The following LHFPL3 variants were observed in gnomAD, a reference collection of about 807,000 sequenced individuals.
LHFPL3 encodes LHFPL tetraspan subfamily member 3, also known as LHFPL tetraspan subfamily member 3 protein.
LHFPL3 carries 5 observed loss-of-function variants against 19.3 expected under a neutral mutation model. The ratio of observed to expected loss-of-function variants is 0.26; its 90% CI spans 0.14 to 0.54. The LOEUF (loss-of-function observed/expected upper bound fraction) is 0.54, where lower values mean the gene tolerates loss of function less well. LHFPL3 is among the 20% of genes least tolerant of loss of function. The pLI, the probability that LHFPL3 is intolerant of heterozygous loss-of-function variation, is 0.94. For synonymous variants in LHFPL3, 133 were observed against 126.2 expected, an observed-to-expected ratio of 1.05 and a Z score of -0.36; for missense variants, 249 against 307.4, an observed-to-expected ratio of 0.81 and a Z score of 1.42.
At chr7:104,345,895 T>G (rs1055534820) in intron 1 of LHFPL3, among the ~76,000 whole-genome samples, 1 of 152,198 alleles carries the variant, frequency 6.6e-6, no homozygotes, top group African/African-American at 2.4e-5. Flanking sequence ...AGTGGTCAGT[T>G]GATGCCCCCA....
intron 1 of LHFPL3, among the ~76,000 whole-genome samples, chr7:104,457,290 C>A (rs1792565245): frequency 6.7e-6 from 1 of 148,298 alleles, no homozygotes; most frequent in African/African-American, 2.5e-5. Context: ...CCACAACAGT[C>A]CCCAGAGTGT....
chr7:104,737,888 C>T (rs1234162278), intron 2 of LHFPL3, among the ~76,000 whole-genome samples: 2 of 152,144 alleles, frequency 1.3e-5, no homozygotes, highest in African/African-American at 2.4e-5. Context: ...CCCTTCACTG[C>T]TTCAACGGGA....
chr7:104,518,290 A>G (rs1372428800), intron 1 of LHFPL3, among the ~76,000 whole-genome samples: 1 of 152,202 alleles, frequency 6.6e-6, no homozygotes, highest in Non-Finnish European at 1.5e-5. Context: ...GCAACAGAAT[A>G]CTTTTTAAAT....
chr7:104,486,239 A>C (rs1188597928), intron 1 of LHFPL3, among the ~76,000 whole-genome samples: 1 of 152,204 alleles, frequency 6.6e-6, no homozygotes, highest in Non-Finnish European at 1.5e-5. Context: ...ATGTTCTCTT[A>C]TGAGCTTTGG....
rs116830891 is a variant in LHFPL3, at chr7:104,409,458, A to G, written c.445+80234A>G. On this transcript the variant is annotated intron_variant, in intron 1 of 2. Transcript: ENST00000424859. ...GAATAGACTTTTTGAAAAATCTTGA[A>G]TACAAAAATTAGCTGGGCATGGTGG... Among the ~76,000 whole-genome samples the G allele has an allele frequency of 5.6e-3, 847 of 152,092 alleles. 2 individuals carry two copies. Among genetic ancestry groups the G allele is most frequent in the African/African-American group, 0.02 (810 of 41,478 alleles).
intron 1 of LHFPL3, among the ~76,000 whole-genome samples, chr7:104,615,686 C>G (rs1791319336): frequency 6.6e-6 from 1 of 152,018 alleles, no homozygotes; most frequent in African/African-American, 2.4e-5. Flanking sequence ...CACCCCCACC[C>G]CCTGACAGGC....
intron 2 of LHFPL3, among the ~76,000 whole-genome samples, chr7:104,870,106 G>A (rs530531167): frequency 1.8e-4 from 27 of 152,194 alleles, no homozygotes; most frequent in African/African-American, 6.5e-4. Context: ...TGGGGGGACG[G>A]GGGAGGGATA....
In LHFPL3 at chr7:104,331,965, A is replaced by G. The variant is rs533891500; in HGVS notation, c.445+2741A>G. On this transcript the variant is annotated intron_variant, in intron 1 of 2. Coordinates refer to ENST00000424859, the MANE Select transcript of LHFPL3 (RefSeq NM_199000.3). ...ACCCCATCTCAAAAAAAAAAAAGAA[A>G]AAGAAAGTTTAGACTTTAGACTATT... Among the ~76,000 whole-genome samples, 185 of 152,112 alleles carry G rather than the reference A, an allele frequency of 1.2e-3. 1 individual carries two copies. Among genetic ancestry groups the G allele is most frequent in the African/African-American group, 4.2e-3 (176 of 41,524 alleles).
chr7:104,487,374 C>G (rs1485728773), intron 1 of LHFPL3, among the ~76,000 whole-genome samples: 1 of 152,214 alleles, frequency 6.6e-6, no homozygotes, highest in East Asian at 1.9e-4. Flanking sequence ...AGCTCAGGGT[C>G]TCAAGTGGCC....
intron 1 of LHFPL3, among the ~76,000 whole-genome samples, chr7:104,436,239 A>G (rs941225433): frequency 2.0e-5 from 3 of 152,192 alleles, no homozygotes; most frequent in Non-Finnish European, 4.4e-5. Flanking sequence ...AATATTTTAA[A>G]GTTTTGTAAG....
intron 1 of LHFPL3, among the ~76,000 whole-genome samples, chr7:104,501,114 A>G (rs904593823): frequency 6.6e-6 from 1 of 152,176 alleles, no homozygotes; most frequent in Non-Finnish European, 1.5e-5. Flanking sequence ...AAAAATGCTC[A>G]ATAAATGTTT....
chr7:104,430,447 T>TATATAC (rs1791973359), intron 1 of LHFPL3, among the ~76,000 whole-genome samples: 1 of 23,876 alleles, frequency 4.2e-5, no homozygotes, highest in Admixed American at 5.2e-4. Context: ...TATATATATA[T>TATATAC]ATATATATTT....
chr7:104,807,264 C>CT (rs1562799432), intron 2 of LHFPL3, among the ~76,000 whole-genome samples: 1 of 151,920 alleles, frequency 6.6e-6, no homozygotes, highest in Non-Finnish European at 1.5e-5. Context: ...GAGGTTGGGG[C>CT]GATGTTTCCA....
intron 1 of LHFPL3, among the ~76,000 whole-genome samples, chr7:104,622,518 T>C (rs1169694170): frequency 6.6e-6 from 1 of 152,204 alleles, no homozygotes; most frequent in African/African-American, 2.4e-5. Context: ...TATTCATAGA[T>C]TGTACAATCA....
chr7:104,502,235 A>C (rs1793609378), intron 1 of LHFPL3, among the ~76,000 whole-genome samples: 5 of 152,190 alleles, frequency 3.3e-5, no homozygotes. Context: ...AGCAAAATGC[A>C]ACTTGCTTGC....
chr7:104,880,545 ACAGATTATT>A (rs532109153), intron 2 of LHFPL3, among the ~76,000 whole-genome samples: 19 of 152,268 alleles, frequency 1.2e-4, no homozygotes, highest in Admixed American at 1.2e-3. Flanking sequence ...TAGGGTCCTT[ACAGATTATT>A]CTAAATCTAC....
rs559883067 is a variant in LHFPL3, at chr7:104,868,113, G to A, written c.683-38074G>A. 6.6e-5 allele frequency among the ~76,000 whole-genome samples: 10 copies of A among 152,126 alleles called. No homozygotes were observed. In the South Asian group the frequency reaches 1.0e-3, roughly 16 times the overall value. On this transcript the variant is annotated intron_variant, in intron 2 of 2. Transcript: ENST00000424859. ...AAGAGCTATTTATGACAAACCCACAGCCAATATCATACTGAATGGGCAAAA... is the reference window on the plus strand; with the variant it reads ...AAGAGCTATTTATGACAAACCCACAACCAATATCATACTGAATGGGCAAAA...
chr7:104,772,906 C>T (rs1052747614), intron 2 of LHFPL3, among the ~76,000 whole-genome samples: 7 of 152,220 alleles, frequency 4.6e-5, no homozygotes, highest in Admixed American at 1.3e-4. Flanking sequence ...TTACCTTATT[C>T]GGAGTGCTGT....
At position 104,849,477 on chromosome 7, in the gene LHFPL3, G is replaced by A. The variant is rs140589228; in HGVS notation, c.683-56710G>A. Among the ~76,000 whole-genome samples the A allele has an allele frequency of 3.3e-4, 51 of 152,316 alleles. No homozygotes were observed. In the East Asian group the frequency reaches 9.3e-3, roughly 28 times the overall value. ...GGGCTGGGTGGCCCTGCACTGTGTG[G>A]GGGCCAAGGCCCTTGGCCCACTTAA... On this transcript the variant is annotated intron_variant, in intron 2 of 2. Coordinates refer to ENST00000424859, the MANE Select transcript of LHFPL3 (RefSeq NM_199000.3).
Sources: allele counts gnomAD v4.1 joint callset (sites outside exome capture counted in the v4.1 genomes callset), GRCh38; gene constraint gnomAD v4.1.1; transcripts MANE v1.5; gene names NCBI Gene and HGNC (gene_info 2026-07-23, HGNC 2026-07-21).